The following NCK2 variants were observed in gnomAD, a reference collection of about 807,000 sequenced individuals.
The protein encoded by NCK2 is NCK adaptor protein 2.
NCK2 carries 16 observed loss-of-function variants against 33.9 expected under a neutral mutation model. That is an observed-to-expected ratio of 0.47 (90% confidence interval 0.32 to 0.72). The LOEUF is 0.72. Among genes scored for constraint, NCK2 ranks in the 30% least tolerant of loss-of-function variants. The pLI is 0.03. For synonymous variants in NCK2, 273 were observed against 239.9 expected (o/e 1.14, Z -1.27); for missense variants, 418 against 537.3 (o/e 0.78, Z 2.19).
chr2:105,873,502 C>T (rs970067999), intron 3 of NCK2, among the ~76,000 whole-genome samples: 13 of 152,124 alleles, frequency 8.5e-5, no homozygotes, highest in African/African-American at 1.2e-4. Flanking sequence ...GCTGATCCAC[C>T]GCCACCACCA....
In NCK2 at chr2:105,843,645, C is replaced by T. The variant is rs115641980; in HGVS notation, c.-16-11403C>T. ...CAGGGACACAGTAGCCAGCTGAAAA[C>T]GCTCCCATACACAAAGCTGGAACAA... On this transcript the variant is annotated intron_variant, in intron 2 of 4. Transcript: ENST00000233154. 4.6e-4 allele frequency among the ~76,000 whole-genome samples: 70 copies of T among 152,248 alleles called. 1 individual carries two copies. The highest frequency in any genetic ancestry group is 1.4e-3 in the African/African-American group (57 of 41,542).
intron 2 of NCK2, among the ~76,000 whole-genome samples, chr2:105,838,052 T>A (rs539517875): frequency 1.3e-5 from 2 of 152,292 alleles, no homozygotes; most frequent in Admixed American, 1.3e-4. Flanking sequence ...CAATAATTCC[T>A]ACATGAGAAT....
intron 1 of NCK2, among the ~76,000 whole-genome samples, chr2:105,813,428 A>C (rs1436986921): frequency 6.6e-6 from 1 of 152,232 alleles, no homozygotes; most frequent in Non-Finnish European, 1.5e-5. Context: ...TTGGGCTGTC[A>C]TCAGAACAAG....
chr2:105,791,825 T>C (rs1206573782), intron 1 of NCK2, among the ~76,000 whole-genome samples: 1 of 152,232 alleles, frequency 6.6e-6, no homozygotes, highest in Non-Finnish European at 1.5e-5. Context: ...AATATTTTCA[T>C]ATCTGTTGTA....
intron 3 of NCK2, among the ~76,000 whole-genome samples, chr2:105,858,641 T>C (rs1677387683): frequency 6.6e-6 from 1 of 152,218 alleles, no homozygotes; most frequent in Non-Finnish European, 1.5e-5. Context: ...TCTCCAACTG[T>C]AGATTACCCT....
At chr2:105,858,802 T>C (rs1433877851) in intron 3 of NCK2, among the ~76,000 whole-genome samples, 2 of 152,224 alleles carry the variant, frequency 1.3e-5, no homozygotes, top group East Asian at 3.8e-4. Context: ...ATGAAAGTAT[T>C]TACCTGCTTT....
chr2:105,851,958 AAAT>A (rs1677086110), intron 2 of NCK2: 1 of 152,274 alleles, frequency 6.6e-6, no homozygotes, highest in Admixed American at 6.5e-5. Flanking sequence ...TGAGCCATTA[AAAT>A]AGGGTTAAAC....
intron 1 of NCK2, among the ~76,000 whole-genome samples, chr2:105,782,797 G>T (rs1558834698): frequency 6.6e-6 from 1 of 152,204 alleles, no homozygotes; most frequent in Non-Finnish European, 1.5e-5. Context: ...CTTGTGCTCA[G>T]CTCTGGCAGC....
chr2:105,852,015 T>A (rs1476441765), intron 2 of NCK2: 5 of 152,122 alleles, frequency 3.3e-5, no homozygotes, highest in African/African-American at 1.2e-4. Flanking sequence ...CCTAGTTGTA[T>A]GGGAACTTTT....
Position 105,744,979 on chromosome 2 carries a change from G to GCGCCCGGGCCGGCAGGGTC in NCK2, c.-344_-326dup, listed in dbSNP as rs1211474531. On this transcript the variant is annotated 5_prime_UTR_variant, in exon 1 of 5. Coordinates refer to ENST00000233154, the MANE Select transcript of NCK2 (RefSeq NM_003581.5). The stretch of plus-strand genomic sequence containing the variant: ...GGGCTTGGCGGCCGGGAGGCTCGCG[G>GCGCCCGGGCCGGCAGGGTC]CGCCCGGGCCGGCAGGGTCCGCCCG... 6.2e-5 allele frequency: 9 copies of GCGCCCGGGCCGGCAGGGTC among 144,200 alleles called. No homozygotes were observed. The highest frequency in any genetic ancestry group is 2.0e-4 in the East Asian group (1 of 4,996). The allele number at this position is 144,200 out of a possible 1,614,324, so 8.9% of individuals were successfully genotyped here.
chr2:105,751,978 A>G (rs768944995), intron 1 of NCK2, among the ~76,000 whole-genome samples: 7 of 152,134 alleles, frequency 4.6e-5, no homozygotes, highest in Non-Finnish European at 1.0e-4. Flanking sequence ...ATTTTGCCCA[A>G]TATATATATA....
At chr2:105,794,773 C>T (rs1282660151) in intron 1 of NCK2, among the ~76,000 whole-genome samples, 1 of 151,770 alleles carries the variant, frequency 6.6e-6, no homozygotes, top group Non-Finnish European at 1.5e-5. Flanking sequence ...TGCAGTGGTG[C>T]AGTCTTGGCT....
intron 1 of NCK2, among the ~76,000 whole-genome samples, chr2:105,782,330 G>C (rs1005476511): frequency 6.6e-6 from 1 of 152,178 alleles, no homozygotes; most frequent in African/African-American, 2.4e-5. Flanking sequence ...ATGGGGATTA[G>C]TGATCTGCCT....
chr2:105,761,147 C>CTA (rs772936723), intron 1 of NCK2, among the ~76,000 whole-genome samples: 1 of 152,198 alleles, frequency 6.6e-6, no homozygotes, highest in Non-Finnish European at 1.5e-5. Context: ...CCCGCCCACC[C>CTA]TACTGGGCCT....
intron 2 of NCK2, among the ~76,000 whole-genome samples, chr2:105,831,410 C>CTTTT (rs56247904): frequency 7.6e-5 from 11 of 144,846 alleles, no homozygotes; most frequent in South Asian, 2.2e-4. Flanking sequence ...AGCATGATAT[C>CTTTT]TTTTTTTTTT....
At chr2:105,805,460 AT>A (rs1357536536) in intron 1 of NCK2, among the ~76,000 whole-genome samples, 1 of 152,172 alleles carries the variant, frequency 6.6e-6, no homozygotes, top group Non-Finnish European at 1.5e-5. Flanking sequence ...ATAATAATAA[AT>A]TTGTTTTCTA....
chr2:105,752,845 T>C (rs1041237311), intron 1 of NCK2, among the ~76,000 whole-genome samples: 1 of 152,224 alleles, frequency 6.6e-6, no homozygotes, highest in Non-Finnish European at 1.5e-5. Context: ...TCTGATAACA[T>C]GTTAAGTACA....
intron 2 of NCK2, among the ~76,000 whole-genome samples, chr2:105,840,727 C>CA (rs1396847806): frequency 3.9e-5 from 6 of 152,218 alleles, no homozygotes; most frequent in Non-Finnish European, 2.9e-5. Context: ...ACACAGAACT[C>CA]AGGGAAACAC....
At position 105,786,131 on chromosome 2, in the gene NCK2, A is replaced by T. The variant is rs1558836284; in HGVS notation, c.-200-30299A>T. Among the ~76,000 whole-genome samples, 4 of 152,122 alleles carry T rather than the reference A, an allele frequency of 2.6e-5. No homozygotes were observed. In the South Asian group the frequency reaches 8.3e-4, roughly 32 times the overall value. On this transcript the variant is annotated intron_variant, in intron 1 of 4. Transcript: ENST00000233154. ...CATTCATCCAGCCAGCCTTTTATTGATCATCTGTTGTGTCTAGGGCAGCAT... is the reference window on the plus strand; with the variant it reads ...CATTCATCCAGCCAGCCTTTTATTGTTCATCTGTTGTGTCTAGGGCAGCAT...
Sources: allele counts gnomAD v4.1 joint callset (sites outside exome capture counted in the v4.1 genomes callset), GRCh38; gene constraint gnomAD v4.1.1; transcripts MANE v1.5; gene names NCBI Gene and HGNC (gene_info 2026-07-23, HGNC 2026-07-21).